Variants in RNF13 observed in about 807,000 individuals in gnomAD.
The protein encoded by RNF13 is E3 ubiquitin-protein ligase RNF13.
Under a neutral mutation model 37.7 loss-of-function variants are expected in RNF13, and 19 were observed. The ratio of observed to expected loss-of-function variants is 0.50; its 90% CI spans 0.35 to 0.74. The LOEUF (loss-of-function observed/expected upper bound fraction) is 0.74, where lower values mean the gene tolerates loss of function less well. Ranked by LOEUF, RNF13 falls within the 30% of genes least tolerant of loss-of-function variation. The pLI, the probability that RNF13 is intolerant of heterozygous loss-of-function variation, is 0.01. For missense variants in RNF13, 375 were observed against 453.0 expected, an observed-to-expected ratio of 0.83 and a Z score of 1.56; for synonymous variants, 144 against 157.8, an observed-to-expected ratio of 0.91 and a Z score of 0.65.
intron 3 of RNF13, among the ~76,000 whole-genome samples, chr3:149,853,887 A>ACAGTG (rs1259463757): frequency 2.9e-5 from 4 of 139,150 alleles, no homozygotes; most frequent in African/African-American, 1.1e-4. Context: ...CCCAGACTGG[A>ACAGTG]GCACAGTGGC....
At chr3:149,953,947 T>C (rs556148240) in intron 8 of RNF13, among the ~76,000 whole-genome samples, 62 of 152,180 alleles carry the variant, frequency 4.1e-4, no homozygotes, top group Non-Finnish European at 7.4e-4. Flanking sequence ...TCATAAAATA[T>C]TAGTGTCATC....
At chr3:149,842,660 T>C (rs1722289644) in intron 1 of RNF13, among the ~76,000 whole-genome samples, 1 of 152,232 alleles carries the variant, frequency 6.6e-6, no homozygotes, top group African/African-American at 2.4e-5. Context: ...GGAATATTTA[T>C]TGCAGTGTTT....
chr3:149,938,298 C>G (rs990447962), intron 8 of RNF13, among the ~76,000 whole-genome samples: 1 of 151,904 alleles, frequency 6.6e-6, no homozygotes, highest in Non-Finnish European at 1.5e-5. Flanking sequence ...CTCCTTCAGC[C>G]TCCCAAGTAG....
chr3:149,850,993 A>G (rs913678954), intron 2 of RNF13, among the ~76,000 whole-genome samples: 1 of 152,236 alleles, frequency 6.6e-6, no homozygotes, highest in Non-Finnish European at 1.5e-5. Flanking sequence ...CTCCAAGTAC[A>G]CTGCTAGGAT....
intron 3 of RNF13, among the ~76,000 whole-genome samples, chr3:149,863,687 G>A (rs1207422228): frequency 6.6e-6 from 1 of 152,034 alleles, no homozygotes; most frequent in Non-Finnish European, 1.5e-5. Context: ...GGCTACATTT[G>A]TTCATAATAC....
chr3:149,843,080 A>G (rs990855147), intron 1 of RNF13, among the ~76,000 whole-genome samples: 2 of 152,170 alleles, frequency 1.3e-5, no homozygotes, highest in African/African-American at 4.8e-5. Context: ...ATATTTGGGG[A>G]AAAAAGTGAC....
chr3:149,846,060 G>C lies in RNF13; in HGVS notation c.34G>C (p.Ala12Pro). 9 of 1,611,892 alleles carry C rather than the reference G, an allele frequency of 5.6e-6. No individual in the cohort carries two copies. The highest frequency in any genetic ancestry group is 7.6e-6 in the Non-Finnish European group (9 of 1,179,686). Residue 12 changes from alanine (A) to proline (P), a missense_variant, in exon 2 of 10, where the codon GCC (alanine) becomes CCC (proline). Physicochemically the swap from Ala to Pro is conservative, Grantham distance 27. Coordinates refer to ENST00000392894, the MANE Select transcript of RNF13 (RefSeq NM_183381.3). The part of the protein sequence containing the change: ...LLSIGMLMLS[A>P]TQVYTILTVQ... ...CTCCATAGGGATGCTCATGCTGTCAGCCACACAAGTCTACACCATCTTGAC... is the reference window on the plus strand; with the variant it reads ...CTCCATAGGGATGCTCATGCTGTCACCCACACAAGTCTACACCATCTTGAC...
intron 7 of RNF13, among the ~76,000 whole-genome samples, chr3:149,920,140 T>G (rs1300333417): frequency 6.6e-6 from 1 of 152,214 alleles, no homozygotes; most frequent in African/African-American, 2.4e-5. Context: ...ATATTCTGGA[T>G]ACAAATCCCT....
chr3:149,822,341 C>G (rs1576711432), intron 1 of RNF13, among the ~76,000 whole-genome samples: 1 of 152,102 alleles, frequency 6.6e-6, no homozygotes, highest in East Asian at 1.9e-4. Flanking sequence ...AAGTCTCTCA[C>G]CTCCTTTGTT....
chr3:149,870,407 G>A (rs189386712), intron 3 of RNF13, among the ~76,000 whole-genome samples: 73 of 151,634 alleles, frequency 4.8e-4, no homozygotes, highest in Non-Finnish European at 8.3e-4. Flanking sequence ...TTGAGTTCTA[G>A]CTTATTTCTG....
At chr3:149,836,644 A>G (rs1034552036) in intron 1 of RNF13, among the ~76,000 whole-genome samples, 2 of 152,132 alleles carry the variant, frequency 1.3e-5, no homozygotes. Context: ...AATCAAACGT[A>G]GAATTACCAT....
At chr3:149,947,750 G>A (rs1720911516) in intron 8 of RNF13, among the ~76,000 whole-genome samples, 1 of 152,038 alleles carries the variant, frequency 6.6e-6, no homozygotes, top group Non-Finnish European at 1.5e-5. Context: ...CTGCTTTGAT[G>A]TTAGATGTGT....
At chr3:149,892,556 T>A (rs1714824204) in intron 4 of RNF13, among the ~76,000 whole-genome samples, 1 of 152,076 alleles carries the variant, frequency 6.6e-6, no homozygotes, top group African/African-American at 2.4e-5. Flanking sequence ...TGTTAGGAAA[T>A]GGGCCGCATG....
chr3:149,898,724 C>A (rs1715515795), intron 5 of RNF13, among the ~76,000 whole-genome samples: 1 of 152,010 alleles, frequency 6.6e-6, no homozygotes. Flanking sequence ...CATTTTATTG[C>A]ATTCTAGAGT....
chr3:149,938,999 C>T, intron 8 of RNF13: 1 of 475,052 alleles, frequency 2.1e-6, no homozygotes, highest in Non-Finnish European at 4.0e-6. Flanking sequence ...CCTAAAGAGA[C>T]TTCCTCCACT....
chr3:149,957,012 G>A (rs1329688531), intron 8 of RNF13, among the ~76,000 whole-genome samples: 2 of 152,142 alleles, frequency 1.3e-5, no homozygotes, highest in Admixed American at 1.3e-4. Flanking sequence ...CCAACTCATG[G>A]TGCTAATAGT....
intron 7 of RNF13, among the ~76,000 whole-genome samples, chr3:149,919,797 T>C (rs1412207951): frequency 6.6e-6 from 1 of 152,202 alleles, no homozygotes; most frequent in Non-Finnish European, 1.5e-5. Flanking sequence ...AATGTGTGTT[T>C]AGATTCATAA....
At chr3:149,845,852 G>T in intron 1 of RNF13, 159 bp from the exon 2 acceptor site, 1 of 537,386 alleles carries the variant, frequency 1.9e-6, no homozygotes, top group Admixed American at 3.4e-5. Context: ...CCAAATCTGT[G>T]TAAGTTCTTA....
chr3:149,854,079 G>A (rs1245232357), intron 3 of RNF13, among the ~76,000 whole-genome samples: 5 of 151,592 alleles, frequency 3.3e-5, no homozygotes, highest in South Asian at 2.1e-4. Context: ...CAAGTGATCC[G>A]CCCACCTTAG....
Sources: allele counts gnomAD v4.1 joint callset (sites outside exome capture counted in the v4.1 genomes callset), GRCh38; gene constraint gnomAD v4.1.1; transcripts MANE v1.5; gene names NCBI Gene and HGNC (gene_info 2026-07-23, HGNC 2026-07-21).